Variants in ARHGEF1 observed in about 807,000 individuals in gnomAD.
The protein encoded by ARHGEF1 is Rho guanine nucleotide exchange factor 1.
ARHGEF1 carries 40 observed loss-of-function variants against 119.7 expected under a neutral mutation model. That is an observed-to-expected ratio of 0.33 (90% CI 0.26 to 0.44). The LOEUF (loss-of-function observed/expected upper bound fraction) is 0.44. Among genes scored for constraint, ARHGEF1 ranks in the 20% least tolerant of loss-of-function variants. The probability of loss-of-function intolerance (pLI) is 1.00; values close to 1 mark genes in which losing one functional copy is unlikely to be tolerated. For missense variants in ARHGEF1, 976 were observed against 1,268.3 expected (o/e 0.77, Z 3.50); for synonymous variants, 494 against 521.0 (o/e 0.95, Z 0.71).
upstream of ARHGEF1, among the ~76,000 whole-genome samples, chr19:41,922,357 G>A (rs2074847419): frequency 6.6e-6 from 1 of 152,218 alleles, no homozygotes; most frequent in Non-Finnish European, 1.5e-5. Flanking sequence ...CAGAAATGAG[G>A]AGGGCAAAGA....
rs2074810470 is a variant in ARHGEF1, at chr19:41,917,708, C to T, written c.1866-5384C>T. Among the ~76,000 whole-genome samples, 1 of 151,838 alleles carries T rather than the reference C, an allele frequency of 6.6e-6. No homozygotes were observed. The highest frequency in any genetic ancestry group is 6.5e-5 in the Admixed American group (1 of 15,268). ...CCATGGCCACACGTTCAGGCACAAT[C>T]TGGGGACATATCTCTCCTTACGCCA... On this transcript the variant is annotated intron_variant, in intron 18 of 20. Transcript: ENST00000599589. The surrounding 1 kb of genome is among the most constrained non-coding windows in gnomAD (Gnocchi z 4.8).
chr19:41,884,274 A>C, intron 1 of ARHGEF1: 1 of 734,774 alleles, frequency 1.4e-6, no homozygotes. Flanking sequence ...TGCGTGGCGC[A>C]GTACAGCGCT....
At chr19:41,895,251 G>A in intron 11 of ARHGEF1, 98 bp from the exon 12 acceptor site, 1 of 1,451,172 alleles carries the variant, frequency 6.9e-7, no homozygotes. Flanking sequence ...TTGTCATGGT[G>A]GGGAAGGGCC....
In ARHGEF1 at chr19:41,902,314, T is replaced by A. The variant is rs1269912668; in HGVS notation, c.1455T>A (p.Ser485Arg). 1.2e-6 allele frequency: 2 copies of A among 1,613,820 alleles called. No individual in the cohort carries two copies. The highest frequency in any genetic ancestry group is 2.7e-5 in the African/African-American group (2 of 74,860). Residue 485 changes from serine (S) to arginine (R), a missense_variant, in exon 16 of 29, where the codon AGT becomes AGA. Physicochemically the swap from Ser to Arg is moderately radical, Grantham distance 110. This residue lies in a region of ARHGEF1 where 286 missense variants were observed against 506.8 expected (regional missense o/e 0.56). Transcript: ENST00000354532. This position sits in a 1 kb window ranked among gnomAD's most constrained non-coding sequence, Gnocchi z 6.5. Reference sequence around the variant, plus strand: ...GCCTGATGAAGCGGAGGCAGGAGAGTGGCTACCTCATCGAGGAGATCGGAG... The same window carrying A: ...GCCTGATGAAGCGGAGGCAGGAGAGAGGCTACCTCATCGAGGAGATCGGAG... ...LDRLMKRRQE[S>R]GYLIEEIGDV...
chr19:41,900,099 C>T (rs1202272609), intron 14 of ARHGEF1, among the ~76,000 whole-genome samples: 3 of 152,050 alleles, frequency 2.0e-5, no homozygotes, highest in Admixed American at 6.6e-5. Context: ...TTTGGGAAGC[C>T]GAGGTGGGCA....
rs1555846273 is a variant in ARHGEF1 at position 41,892,025 on chromosome 19, C to T, written c.226C>T (p.Leu76Phe). 1 of 1,604,170 alleles carries T rather than the reference C, an allele frequency of 6.2e-7. No individual in the cohort carries two copies. Among genetic ancestry groups the T allele is most frequent in the Non-Finnish European group, 8.5e-7 (1 of 1,173,722 alleles). ...VALQFEPGPL[L>F]CCLHADMLGS... ...GAGTCATGCTGTGTGTCTCCCCCAG[C>T]TTTGCTGTCTGCATGCCGACATGCT... Residue 76 changes from leucine (L) to phenylalanine (F), a missense_variant and splice_region_variant, in exon 5 of 29, where the codon CTT becomes TTT. Physicochemically the swap from Leu to Phe is conservative, Grantham distance 22. Transcript: ENST00000354532. This position sits in a 1 kb window ranked among gnomAD's most constrained non-coding sequence, Gnocchi z 6.3.
Position 41,883,195 on chromosome 19 carries a change from C to A in ARHGEF1, c.-114C>A. 1 of 177,780 alleles carries A rather than the reference C, an allele frequency of 5.6e-6. No homozygotes were observed. Among genetic ancestry groups the A allele is most frequent in the Non-Finnish European group, 1.3e-5 (1 of 79,870 alleles). 11.0% of individuals were successfully genotyped at this position (177,780 alleles called of 1,614,324 possible). A position where few individuals can be genotyped will look rare whatever the true frequency, so the allele number is the denominator to read the frequency against. ...CGGAAAAACGCCCCGACTTCCTGCC[C>A]CGCCAGAGCCAGGAAGCGGGAGCCG... On this transcript the variant is annotated 5_prime_UTR_variant, in exon 1 of 29. Transcript: ENST00000354532. This position sits in a 1 kb window ranked among gnomAD's most constrained non-coding sequence, Gnocchi z 7.6.
intron 1 of ARHGEF1, among the ~76,000 whole-genome samples, chr19:41,886,744 A>G (rs782820341): frequency 1.3e-5 from 2 of 152,248 alleles, no homozygotes; most frequent in South Asian, 2.1e-4. Context: ...TCATTGTTTA[A>G]TCATCAAAAT....
chr19:41,907,205 G>C lies in ARHGEF1; in HGVS notation c.*118G>C. 6.6e-7 allele frequency: 1 copy of C among 1,519,122 alleles called. No individual in the cohort carries two copies. The highest frequency in any genetic ancestry group is 8.8e-7 in the Non-Finnish European group (1 of 1,139,524). The allele number at this position is 1,519,122 out of a possible 1,614,324, so 94.1% of individuals were successfully genotyped here. On this transcript the variant is annotated 3_prime_UTR_variant, in exon 29 of 29. Transcript: ENST00000354532. ...TCACACCCCGAGGGCCTGAGGAGAGGGAGCTGTGGGCCACGCCTGGGAGGG... is the reference window on the plus strand; with the variant it reads ...TCACACCCCGAGGGCCTGAGGAGAGCGAGCTGTGGGCCACGCCTGGGAGGG...
chr19:41,923,147 T>C (rs782037363), exon 1 of ARHGEF1: 1 of 456,466 alleles, frequency 2.2e-6, no homozygotes, highest in South Asian at 1.5e-5. Flanking sequence ...GATGCCCATT[T>C]CACAGATGTG....
At chr19:41,908,129 G>T, downstream of ARHGEF1, 3 of 954,036 alleles carry the variant, frequency 3.1e-6, no homozygotes, top group Non-Finnish European at 4.1e-6. This position sits in a 1 kb window ranked among gnomAD's most constrained non-coding sequence, Gnocchi z 6.7. Flanking sequence ...AGACCTGGGA[G>T]GTGCTGAGGG....
rs1555848347 is a variant in ARHGEF1, at chr19:41,898,402, A to T, written c.1122-40A>T. The stretch of plus-strand genomic sequence containing the variant: ...AAGAGGCTGAAGGCTGCTTCTTGGG[A>T]TGGCCCAAGCTGGGGCCCTAACAAG... On this transcript the variant is annotated intron_variant, in intron 13 of 28. Coordinates refer to ENST00000354532, the MANE Select transcript of ARHGEF1 (RefSeq NM_004706.4). The T allele has an allele frequency of 1.0e-5, 16 of 1,549,032 alleles. 1 individual carries two copies. Among genetic ancestry groups the T allele is most frequent in the Non-Finnish European group, 1.4e-5 (16 of 1,146,436 alleles).
chr19:41,926,734 G>GGCCGTTTA (rs2074873544), intron 1 of ARHGEF1, among the ~76,000 whole-genome samples: 1 of 152,154 alleles, frequency 6.6e-6, no homozygotes, highest in South Asian at 2.1e-4. Context: ...CGGGCGGGGG[G>GGCCGTTTA]GCCGTTTAGC....
chr19:41,929,488 G>C (rs2074892442), intron 2 of ARHGEF1, among the ~76,000 whole-genome samples: 2 of 152,216 alleles, frequency 1.3e-5, no homozygotes, highest in Admixed American at 1.3e-4. Flanking sequence ...CCACAGTTCA[G>C]CTCCCGGCCG....
At chr19:41,914,464 T>G (rs557452853) in intron 18 of ARHGEF1, among the ~76,000 whole-genome samples, 6 of 151,656 alleles carry the variant, frequency 4.0e-5, no homozygotes, top group East Asian at 3.9e-4. Flanking sequence ...CACCCCTGCT[T>G]CTTCTCCATC....
intron 1 of ARHGEF1, among the ~76,000 whole-genome samples, chr19:41,886,742 T>G (rs2074299362): frequency 6.6e-6 from 1 of 152,224 alleles, no homozygotes; most frequent in Non-Finnish European, 1.5e-5. Context: ...CATCATTGTT[T>G]AATCATCAAA....
chr19:41,891,267 T>C (rs527712941), intron 4 of ARHGEF1, among the ~76,000 whole-genome samples: 3 of 152,210 alleles, frequency 2.0e-5, no homozygotes, highest in Admixed American at 1.3e-4. Context: ...TTAGTAGCTA[T>C]GTGATTTTGG....
At chr19:41,926,828 G>T (rs1599682754) in intron 1 of ARHGEF1, among the ~76,000 whole-genome samples, 1 of 152,290 alleles carries the variant, frequency 6.6e-6, no homozygotes, top group East Asian at 1.9e-4. Context: ...CAGAAAATTC[G>T]ATCCTGGGCC....
chr19:41,925,218 C>A (rs373877860), intron 1 of ARHGEF1, among the ~76,000 whole-genome samples: 1 of 152,018 alleles, frequency 6.6e-6, no homozygotes, highest in South Asian at 2.1e-4. Context: ...GTTACCAGGG[C>A]AGAGGATTCC....
Sources: gnomAD v4.1 joint callset for allele counts (sites outside exome capture counted in the v4.1 genomes callset) on GRCh38, gnomAD v4.1.1 for gene constraint, gnomAD v4.1.1 regional missense constraint, Gnocchi (gnomAD v3.1) non-coding constraint, MANE v1.5 for transcripts, NCBI Gene and HGNC (gene_info 2026-07-23, HGNC 2026-07-21) for gene names.